The following PBRM1 variants were observed in gnomAD, a reference collection of about 807,000 sequenced individuals.
PBRM1 encodes the protein protein polybromo-1.
A neutral mutation model predicts 194.5 loss-of-function variants in PBRM1; 27 were observed. That is an observed-to-expected ratio of 0.14 (90% confidence interval 0.10 to 0.19). The LOEUF (loss-of-function observed/expected upper bound fraction) is 0.19. PBRM1 is among the 10% of genes least tolerant of loss of function. The pLI is 1.00. For synonymous variants in PBRM1, 655 were observed against 693.2 expected (o/e 0.94, Z 0.87); for missense variants, 1,466 against 2,077.2 (o/e 0.71, Z 5.72).
At chr3:52,590,654 GAC>G (rs58397826) in intron 17 of PBRM1, among the ~76,000 whole-genome samples, 4,337 of 151,074 alleles carry the variant, frequency 0.029, 217 homozygotes, top group African/African-American at 0.099. Flanking sequence ...TCTTTTTTTA[GAC>G]AGTCTCACTC....
At chr3:52,549,984 G>A (rs554920795) in intron 29 of PBRM1, among the ~76,000 whole-genome samples, 133 of 151,802 alleles carry the variant, frequency 8.8e-4, no homozygotes, top group African/African-American at 2.6e-3. Flanking sequence ...TTGAGAGGCC[G>A]AGGCAGGTGG....
chr3:52,669,056 G>C (rs1277708422), intron 2 of PBRM1, among the ~76,000 whole-genome samples: 1 of 152,128 alleles, frequency 6.6e-6, no homozygotes, highest in Non-Finnish European at 1.5e-5. Flanking sequence ...TTACAAAACA[G>C]ATTCTTTCTT....
chr3:52,616,270 A>T (rs2094947277), intron 14 of PBRM1, among the ~76,000 whole-genome samples: 1 of 152,244 alleles, frequency 6.6e-6, no homozygotes, highest in South Asian at 2.1e-4. Flanking sequence ...ATGTAATTGC[A>T]GAGGGAAACA....
intron 4 of PBRM1, 149 bp from the exon 6 acceptor site, chr3:52,658,464 A>G: frequency 2.1e-6 from 1 of 477,638 alleles, no homozygotes; most frequent in Non-Finnish European, 3.8e-6. Context: ...GCACAATTTC[A>G]GCTCACTGCA....
intron 3 of PBRM1, among the ~76,000 whole-genome samples, chr3:52,662,934 C>T (rs755437560): frequency 6.6e-5 from 10 of 151,748 alleles, no homozygotes; most frequent in African/African-American, 9.7e-5. Context: ...AAGCTAATGA[C>T]GGTTCTGATG....
chr3:52,685,252 C>T (rs904854577), intron 1 of PBRM1, among the ~76,000 whole-genome samples: 1 of 152,122 alleles, frequency 6.6e-6, no homozygotes, highest in Non-Finnish European at 1.5e-5. Flanking sequence ...CCCAAAATCC[C>T]GGATTCTTTG....
chr3:52,586,554 G>C lies in PBRM1; in HGVS notation c.3258C>G (p.Val1086=), dbSNP rs773918156. 4 of 1,613,990 alleles carry C rather than the reference G, an allele frequency of 2.5e-6. No individual in the cohort carries two copies. In the South Asian group the frequency reaches 4.4e-5, roughly 18 times the overall value. The change falls in exon 20 of 30, where the codon GTC becomes GTG. Residue 1086 remains valine (V), a synonymous_variant. Coordinates refer to ENST00000296302, the Ensembl canonical transcript of PBRM1. ...CCACAGGCAGAGGCACATCCCGAGG[G>C]ACAAACCTGACTGAGCTGATGGGCA... is the stretch of plus-strand genomic sequence containing the variant.
chr3:52,590,837 T>C (rs575931936), intron 17 of PBRM1, among the ~76,000 whole-genome samples: 23 of 152,346 alleles, frequency 1.5e-4, no homozygotes, highest in African/African-American at 5.3e-4. Flanking sequence ...GGACTGAATC[T>C]GTAAATTGCT....
chr3:52,596,775 T>A (rs2093598921), intron 17 of PBRM1, among the ~76,000 whole-genome samples: 1 of 151,690 alleles, frequency 6.6e-6, no homozygotes, highest in Admixed American at 6.6e-5. Flanking sequence ...GGAAGATGAC[T>A]TTTTCGGAGC....
intron 2 of PBRM1, among the ~76,000 whole-genome samples, chr3:52,671,120 G>A (rs1259494414): frequency 6.6e-6 from 1 of 152,174 alleles, no homozygotes; most frequent in Non-Finnish European, 1.5e-5. Flanking sequence ...CACAGAACAG[G>A]ACTTTTACAC....
intron 16 of PBRM1, among the ~76,000 whole-genome samples, chr3:52,604,401 T>C (rs965196900): frequency 3.9e-5 from 6 of 152,230 alleles, no homozygotes. Flanking sequence ...GTCTCCTTCC[T>C]CATTTATGAA....
At chr3:52,630,881 T>C (rs1374865179) in intron 11 of PBRM1, among the ~76,000 whole-genome samples, 1 of 152,238 alleles carries the variant, frequency 6.6e-6, no homozygotes, top group Admixed American at 6.5e-5. Context: ...TGTCTTCTTT[T>C]GAACTAAGCT....
chr3:52,601,503 C>A (rs1171484360), intron 17 of PBRM1, among the ~76,000 whole-genome samples: 6 of 152,190 alleles, frequency 3.9e-5, no homozygotes, highest in Admixed American at 3.9e-4. Flanking sequence ...CACCACTGAT[C>A]TAACAGGAAG....
chr3:52,661,866 ATTCT>A (rs776406421), intron 4 of PBRM1, among the ~76,000 whole-genome samples: 2 of 152,214 alleles, frequency 1.3e-5, no homozygotes, highest in Non-Finnish European at 2.9e-5. Context: ...TAATATCAAG[ATTCT>A]CTTTAAAACT....
At chr3:52,645,113 T>C (rs935451513) in intron 7 of PBRM1, among the ~76,000 whole-genome samples, 1 of 152,204 alleles carries the variant, frequency 6.6e-6, no homozygotes, top group East Asian at 1.9e-4. Flanking sequence ...CCCCAGTGGA[T>C]GCCTGAAACC....
At chr3:52,593,289 G>C (rs2093272659) in intron 17 of PBRM1, among the ~76,000 whole-genome samples, 1 of 151,470 alleles carries the variant, frequency 6.6e-6, no homozygotes, top group African/African-American at 2.4e-5. Context: ...GTCTTGCTCT[G>C]TCACCCAGGC....
At chr3:52,669,073 G>C (rs748886062) in intron 2 of PBRM1, among the ~76,000 whole-genome samples, 20 of 152,134 alleles carry the variant, frequency 1.3e-4, no homozygotes, top group Non-Finnish European at 2.4e-4. Context: ...TCTTCAGTAA[G>C]TGACCACATA....
intron 13 of PBRM1, among the ~76,000 whole-genome samples, chr3:52,618,983 A>T (rs2153508253): frequency 1.3e-5 from 2 of 152,322 alleles, no homozygotes; most frequent in South Asian, 4.1e-4. Flanking sequence ...TCCCGACCTC[A>T]GGTGATCCGC....
At chr3:52,559,794 T>C (rs1037074511) in intron 25 of PBRM1, among the ~76,000 whole-genome samples, 4 of 147,654 alleles carry the variant, frequency 2.7e-5, no homozygotes, top group Admixed American at 6.9e-5. Flanking sequence ...CTTTGTACAA[T>C]GAGTATGAGA....
Sources: gnomAD v4.1 joint callset for allele counts (sites outside exome capture counted in the v4.1 genomes callset) on GRCh38, gnomAD v4.1.1 for gene constraint, MANE v1.5 for transcripts, NCBI Gene and HGNC (gene_info 2026-07-23, HGNC 2026-07-21) for gene names.